Variants in ELMO1 observed in about 807,000 individuals in gnomAD.
ELMO1 encodes engulfment and cell motility protein 1.
In ELMO1, 26 loss-of-function variants were observed where a neutral mutation model predicts 98.9. The ratio of observed to expected loss-of-function variants is 0.26; its 90% CI spans 0.19 to 0.36. The LOEUF is 0.36. Ranked by LOEUF, ELMO1 falls within the 10% of genes least tolerant of loss-of-function variation. The pLI is 1.00. For synonymous variants in ELMO1, 346 were observed against 346.0 expected (o/e 1.00, Z 0.00); for missense variants, 627 against 935.2 (o/e 0.67, Z 4.30).
chr7:36,970,101 G>C (rs919618018), intron 16 of ELMO1, among the ~76,000 whole-genome samples: 9 of 151,522 alleles, frequency 5.9e-5, no homozygotes, highest in African/African-American at 2.2e-4. Context: ...ACTCTTGATA[G>C]CATTGTATTC....
At chr7:36,939,614 G>A (rs1044091340) in intron 16 of ELMO1, among the ~76,000 whole-genome samples, 1 of 152,228 alleles carries the variant, frequency 6.6e-6, no homozygotes, top group Non-Finnish European at 1.5e-5. Context: ...CAGAATACAT[G>A]GGAAGCATTG....
At position 37,368,326 on chromosome 7, in the gene ELMO1, C is replaced by A. The variant is rs572841286; in HGVS notation, c.-73-25563G>T. Reference sequence around the variant, plus strand: ...GATTAGCATTTCTATACACCAGGAACAAAGCATCAGAAAGAACTATGTCTT... The same window carrying A: ...GATTAGCATTTCTATACACCAGGAAAAAAGCATCAGAAAGAACTATGTCTT... On this transcript the variant is annotated intron_variant, in intron 1 of 21. Coordinates refer to ENST00000310758, the MANE Select transcript of ELMO1 (RefSeq NM_014800.11). Among the ~76,000 whole-genome samples, 6 of 152,174 alleles carry A rather than the reference C, an allele frequency of 3.9e-5. No homozygotes were observed. In the South Asian group the frequency reaches 6.2e-4, roughly 16 times the overall value.
intron 8 of ELMO1, among the ~76,000 whole-genome samples, chr7:37,229,784 G>A (rs1487722810): frequency 1.3e-5 from 2 of 152,128 alleles, no homozygotes; most frequent in African/African-American, 4.8e-5. Context: ...GCAATGCAAA[G>A]AAAATGAGAC....
intron 4 of ELMO1, among the ~76,000 whole-genome samples, chr7:37,290,455 T>C (rs1797618168): frequency 6.6e-6 from 1 of 152,200 alleles, no homozygotes; most frequent in East Asian, 1.9e-4. Flanking sequence ...TCAGTGTATT[T>C]GCAGAAATTA....
intron 16 of ELMO1, among the ~76,000 whole-genome samples, chr7:36,977,349 T>TGG (rs2129140457): frequency 6.6e-6 from 1 of 152,328 alleles, no homozygotes; most frequent in Admixed American, 6.5e-5. Context: ...TCAGTGCAAG[T>TGG]GTTTCTGACA....
At chr7:37,230,317 G>A (rs1252942570) in intron 8 of ELMO1, among the ~76,000 whole-genome samples, 2 of 152,182 alleles carry the variant, frequency 1.3e-5, no homozygotes, top group East Asian at 1.9e-4. Context: ...GATCCCAGGG[G>A]AACAGAGAGC....
chr7:37,411,742 C>T (rs180852803), intron 1 of ELMO1, among the ~76,000 whole-genome samples: 190 of 152,208 alleles, frequency 1.2e-3, no homozygotes, highest in Admixed American at 9.1e-3. Flanking sequence ...AAACTTTTTC[C>T]GTTATTCTGG....
rs745739915 is a variant in ELMO1, at chr7:36,870,303, C to T, written c.1905+90G>A. 16 of 1,131,682 alleles carry T rather than the reference C, an allele frequency of 1.4e-5. No individual in the cohort carries two copies. Among genetic ancestry groups the T allele is most frequent in the African/African-American group, 3.1e-5 (2 of 65,378 alleles). The allele number at this position is 1,131,682 out of a possible 1,614,324, so 70.1% of individuals were successfully genotyped here. A position where few individuals can be genotyped will look rare whatever the true frequency, so the allele number is the denominator to read the frequency against. On this transcript the variant is annotated intron_variant, in intron 20 of 21. Coordinates refer to ENST00000310758, the MANE Select transcript of ELMO1 (RefSeq NM_014800.11). This position sits in a 1 kb window ranked among gnomAD's most constrained non-coding sequence, Gnocchi z 4.4. ...GTGTGTCTGAACACACGCACACACA[C>T]GAACACTGCTATAAAGGAGGGCTAG...
At position 37,385,847 on chromosome 7, in the gene ELMO1, G is replaced by A. The variant is rs921398530; in HGVS notation, c.-73-43084C>T. Among the ~76,000 whole-genome samples the A allele has an allele frequency of 2.6e-5, 4 of 152,330 alleles. No homozygotes were observed. In the East Asian group the frequency reaches 7.7e-4, roughly 29 times the overall value. The stretch of plus-strand genomic sequence containing the variant: ...CAGAACCGCCCCTAGAGCTTTTGAG[G>A]AACCACCTGGAGAACATGGGAAACT... On this transcript the variant is annotated intron_variant, in intron 1 of 21. Coordinates refer to ENST00000310758, the MANE Select transcript of ELMO1 (RefSeq NM_014800.11).
chr7:37,003,648 C>A (rs1413843665), intron 16 of ELMO1, among the ~76,000 whole-genome samples: 3 of 152,184 alleles, frequency 2.0e-5, no homozygotes, highest in Admixed American at 6.5e-5. Flanking sequence ...TGCAGACATA[C>A]AACCAATGTA....
At chr7:37,127,820 G>C (rs1786632695) in intron 14 of ELMO1, among the ~76,000 whole-genome samples, 1 of 152,160 alleles carries the variant, frequency 6.6e-6, no homozygotes, top group Non-Finnish European at 1.5e-5. Flanking sequence ...ACATTGGCCA[G>C]CATAGGTCTT....
chr7:37,441,717 G>A (rs1805423914), intron 1 of ELMO1, among the ~76,000 whole-genome samples: 1 of 152,172 alleles, frequency 6.6e-6, no homozygotes, highest in African/African-American at 2.4e-5. Context: ...TTAAGAAACT[G>A]AGACAAAAAC....
At chr7:37,033,930 T>C (rs1795028758) in intron 15 of ELMO1, among the ~76,000 whole-genome samples, 2 of 152,160 alleles carry the variant, frequency 1.3e-5, no homozygotes, top group South Asian at 4.1e-4. Context: ...TCAATTAGGT[T>C]TAAGATAAGA....
At chr7:36,903,022 T>C (rs1432705125) in intron 16 of ELMO1, among the ~76,000 whole-genome samples, 2 of 152,174 alleles carry the variant, frequency 1.3e-5, no homozygotes, top group African/African-American at 2.4e-5. Flanking sequence ...TTCACCTGCT[T>C]AAACCCTGCA....
At chr7:37,004,536 C>T (rs927491179) in intron 16 of ELMO1, among the ~76,000 whole-genome samples, 8 of 152,190 alleles carry the variant, frequency 5.3e-5, no homozygotes, top group African/African-American at 1.9e-4. Context: ...CTCAAGTTAG[C>T]ACGTGCTACA....
intron 1 of ELMO1, among the ~76,000 whole-genome samples, chr7:37,381,583 A>G (rs1325185875): frequency 6.6e-6 from 1 of 152,226 alleles, no homozygotes; most frequent in African/African-American, 2.4e-5. Flanking sequence ...TTCATGATGG[A>G]ATGTAGACCA....
Position 36,855,797 on chromosome 7 carries a change from A to G in ELMO1, c.1984-46T>C. The G allele has an allele frequency of 6.2e-7, 1 of 1,607,168 alleles. No homozygotes were observed. Among genetic ancestry groups the G allele is most frequent in the Non-Finnish European group, 8.5e-7 (1 of 1,174,268 alleles). ...AGCGATCATTACTGGTGGCAATTACAGAAGTATTAATAGTAAAAATAGCTA... is the reference window on the plus strand; with the variant it reads ...AGCGATCATTACTGGTGGCAATTACGGAAGTATTAATAGTAAAAATAGCTA... On this transcript the variant is annotated intron_variant, in intron 21 of 21. Coordinates refer to ENST00000310758, the MANE Select transcript of ELMO1 (RefSeq NM_014800.11). This position sits in a 1 kb window ranked among gnomAD's most constrained non-coding sequence, Gnocchi z 4.2.
At chr7:37,259,764 C>T (rs532172067) in intron 5 of ELMO1, among the ~76,000 whole-genome samples, 181 of 152,352 alleles carry the variant, frequency 1.2e-3, no homozygotes, top group African/African-American at 4.0e-3. Flanking sequence ...CAAATTTATA[C>T]AGCACGCTCA....
At chr7:37,262,179 A>T (rs2130807670) in intron 5 of ELMO1, among the ~76,000 whole-genome samples, 1 of 152,296 alleles carries the variant, frequency 6.6e-6, no homozygotes, top group African/African-American at 2.4e-5. Flanking sequence ...AAATAAATAA[A>T]TTTTAAAATA....
Sources: allele counts gnomAD v4.1 joint callset (sites outside exome capture counted in the v4.1 genomes callset), GRCh38; gene constraint gnomAD v4.1.1; non-coding constraint Gnocchi (gnomAD v3.1); transcripts MANE v1.5; gene names NCBI Gene and HGNC (gene_info 2026-07-23, HGNC 2026-07-21).